The following ABCA13 variants were observed in gnomAD, a reference collection of about 807,000 sequenced individuals.
The protein encoded by ABCA13 is ATP-binding cassette sub-family A member 13.
ABCA13 carries 476 observed loss-of-function variants against 478.7 expected under a neutral mutation model. That is an observed-to-expected ratio of 0.99 (90% CI 0.92 to 1.07). The LOEUF (loss-of-function observed/expected upper bound fraction) is 1.07, where lower values mean the gene tolerates loss of function less well. Ranked by LOEUF, ABCA13 falls within the 50% of genes least tolerant of loss-of-function variation. The probability of loss-of-function intolerance (pLI) is 0.00; values close to 1 mark genes in which losing one functional copy is unlikely to be tolerated. For missense variants in ABCA13, 6,060 were observed against 5,910.6 expected (o/e 1.03, Z -0.83); for synonymous variants, 2,252 against 2,158.9 (o/e 1.04, Z -1.20).
intron 55 of ABCA13, among the ~76,000 whole-genome samples, chr7:48,540,102 ATC>A (rs1833855920): frequency 2.0e-5 from 3 of 152,112 alleles, no homozygotes. Context: ...ATGGGATTGA[ATC>A]TCTCTCAAGT....
chr7:48,452,509 A>G (rs1429680263), intron 42 of ABCA13, among the ~76,000 whole-genome samples: 2 of 152,212 alleles, frequency 1.3e-5, no homozygotes, highest in African/African-American at 4.8e-5. Context: ...ATTGCTAAGT[A>G]GATATCCAAT....
chr7:48,604,675 A>C (rs1290644153), intron 58 of ABCA13, among the ~76,000 whole-genome samples: 2 of 152,112 alleles, frequency 1.3e-5, no homozygotes, highest in Non-Finnish European at 2.9e-5. Flanking sequence ...AATAAGCATG[A>C]TGTGGTACTG....
chr7:48,449,138 C>T (rs1824673084), intron 42 of ABCA13, among the ~76,000 whole-genome samples: 2 of 152,166 alleles, frequency 1.3e-5, no homozygotes, highest in Non-Finnish European at 2.9e-5. Context: ...CCACTGTGTC[C>T]GGCTCCTAGC....
At chr7:48,499,959 A>G (rs1244393906) in intron 48 of ABCA13, among the ~76,000 whole-genome samples, 1 of 152,228 alleles carries the variant, frequency 6.6e-6, no homozygotes, top group African/African-American at 2.4e-5. Context: ...TTTTTACAGC[A>G]AGGGTATCAA....
intron 15 of ABCA13, among the ~76,000 whole-genome samples, chr7:48,258,883 G>A (rs1455216873): frequency 1.3e-5 from 2 of 151,982 alleles, no homozygotes; most frequent in Non-Finnish European, 2.9e-5. Flanking sequence ...TCATGCAGAA[G>A]CAGTTTGTTT....
chr7:48,246,393 T>C (rs1400092062), intron 13 of ABCA13, among the ~76,000 whole-genome samples: 1 of 152,146 alleles, frequency 6.6e-6, no homozygotes, highest in Non-Finnish European at 1.5e-5. Context: ...TGGCTTTGAG[T>C]GGTTACAAGC....
rs116450954 is a variant in ABCA13 at position 48,405,589 on chromosome 7, G to A, written c.12070+1710G>A. Among the ~76,000 whole-genome samples the A allele has an allele frequency of 4.2e-3, 636 of 152,300 alleles. 7 individuals are homozygous for A. Among genetic ancestry groups the A allele is most frequent in the African/African-American group, 0.014 (590 of 41,554 alleles). On this transcript the variant is annotated intron_variant, in intron 39 of 61. Coordinates refer to ENST00000435803, the MANE Select transcript of ABCA13 (RefSeq NM_152701.5). ...TGGGGACTGATGCGGAAGATCAATG[G>A]GAGATAGACAAATAGATAACATTGT...
At chr7:48,345,603 G>T (rs1008378362) in intron 29 of ABCA13, among the ~76,000 whole-genome samples, 2 of 152,166 alleles carry the variant, frequency 1.3e-5, no homozygotes, top group African/African-American at 2.4e-5. Flanking sequence ...TTTTTGTACA[G>T]CTGTACAATG....
In ABCA13 at chr7:48,644,735, A is replaced by C. The variant is rs761361816; in HGVS notation, c.15062A>C (p.Asn5021Thr). ...TFLNIKHYSI[N>T]QTTLEQVFIN... ...TTGAATATTAAGCATTATTCCATTA[A>C]CCAAACCACTTTGGAGCAGGTATAG... The change falls in exon 61 of 62, where the codon AAC becomes ACC. Residue 5021 changes from asparagine (N) to threonine (T), a missense_variant. Asn to Thr is a moderately conservative substitution (Grantham distance 65, BLOSUM62 0). Coordinates refer to ENST00000435803, the MANE Select transcript of ABCA13 (RefSeq NM_152701.5). The C allele has an allele frequency of 3.7e-6, 6 of 1,600,332 alleles. No homozygotes were observed. The highest frequency in any genetic ancestry group is 5.1e-6 in the Non-Finnish European group (6 of 1,176,260).
chr7:48,420,582 T>C (rs1238292105), intron 41 of ABCA13, among the ~76,000 whole-genome samples: 1 of 152,190 alleles, frequency 6.6e-6, no homozygotes, highest in African/African-American at 2.4e-5. Context: ...GTTTCTTTCC[T>C]TCCAGCTTGC....
At chr7:48,438,911 G>C (rs909865498) in intron 42 of ABCA13, among the ~76,000 whole-genome samples, 8 of 122,410 alleles carry the variant, frequency 6.5e-5, no homozygotes, top group African/African-American at 2.5e-4. Flanking sequence ...AAAAACTAAT[G>C]ATCTAACCAA....
rs189856501 is a variant in ABCA13 at position 48,203,077 on chromosome 7, C to T, written c.287+4717C>T. 2.2e-3 allele frequency among the ~76,000 whole-genome samples: 337 copies of T among 152,344 alleles called. 1 individual carries two copies. The highest frequency in any genetic ancestry group is 4.2e-3 in the Admixed American group (64 of 15,308). ...GCCCCACGGGAAGGCAGCTAAGGCC[C>T]GGCGAGAAATCGAGCGCAGCGCCGG... On this transcript the variant is annotated intron_variant, in intron 3 of 61. Transcript: ENST00000435803.
At chr7:48,435,806 G>A (rs914123910) in intron 42 of ABCA13, among the ~76,000 whole-genome samples, 1 of 151,400 alleles carries the variant, frequency 6.6e-6, no homozygotes. Flanking sequence ...TTTAATGTGT[G>A]GTATTAACTT....
At chr7:48,530,503 C>T (rs1454021656) in intron 55 of ABCA13, among the ~76,000 whole-genome samples, 1 of 151,890 alleles carries the variant, frequency 6.6e-6, no homozygotes, top group Non-Finnish European at 1.5e-5. Context: ...TGGGTAGATA[C>T]CTAGTAGTGA....
chr7:48,176,055 C>T (rs1199701557), intron 1 of ABCA13, among the ~76,000 whole-genome samples: 2 of 152,146 alleles, frequency 1.3e-5, no homozygotes, highest in African/African-American at 4.8e-5. Flanking sequence ...CTAATCTATC[C>T]TTCAAATCAT....
At chr7:48,464,123 T>A (rs1826605823) in intron 43 of ABCA13, among the ~76,000 whole-genome samples, 1 of 152,214 alleles carries the variant, frequency 6.6e-6, no homozygotes, top group Non-Finnish European at 1.5e-5. Flanking sequence ...AATTTTCAAT[T>A]TCTAGAGTCT....
intron 27 of ABCA13, among the ~76,000 whole-genome samples, chr7:48,324,499 T>G (rs1167803907): frequency 1.3e-5 from 2 of 152,204 alleles, no homozygotes; most frequent in Non-Finnish European, 2.9e-5. Context: ...AGTGCCTCTT[T>G]GGAATGATCT....
At chr7:48,610,367 G>A (rs971715014) in intron 58 of ABCA13, among the ~76,000 whole-genome samples, 2 of 152,206 alleles carry the variant, frequency 1.3e-5, no homozygotes, top group Non-Finnish European at 2.9e-5. Flanking sequence ...GCAAGGCCTT[G>A]AGCAGCTCCG....
At chr7:48,419,009 G>A (rs1487034385) in intron 41 of ABCA13, among the ~76,000 whole-genome samples, 3 of 152,210 alleles carry the variant, frequency 2.0e-5, no homozygotes, top group African/African-American at 7.2e-5. Context: ...AAGGCAAAGA[G>A]GGAGCAGGCA....
Sources: allele counts gnomAD v4.1 joint callset (sites outside exome capture counted in the v4.1 genomes callset), GRCh38; gene constraint gnomAD v4.1.1; transcripts MANE v1.5; gene names NCBI Gene and HGNC (gene_info 2026-07-23, HGNC 2026-07-21).